ERC2: variants seen among roughly 807,000 people sequenced by gnomAD.
ERC2 encodes the protein ERC protein 2.
A neutral mutation model predicts 114.8 loss-of-function variants in ERC2; 42 were observed. That is an observed-to-expected ratio of 0.37 (90% CI 0.29 to 0.47). ERC2 has a LOEUF of 0.47. ERC2 is among the 20% of genes least tolerant of loss of function. ERC2 has a pLI of 0.99. For missense variants in ERC2, 939 were observed against 1,150.7 expected (o/e 0.82, Z 2.66); for synonymous variants, 454 against 425.5 (o/e 1.07, Z -0.82).
chr3:56,393,953 A>AG (rs1355919558), intron 2 of ERC2, among the ~76,000 whole-genome samples: 2 of 152,144 alleles, frequency 1.3e-5, no homozygotes, highest in Non-Finnish European at 1.5e-5. Context: ...CCAAAAAAAA[A>AG]AAAGGAATTC....
intron 13 of ERC2, among the ~76,000 whole-genome samples, chr3:55,909,758 G>T (rs1247961908): frequency 6.6e-6 from 1 of 152,134 alleles, no homozygotes; most frequent in Non-Finnish European, 1.5e-5. Context: ...GACAGAGAGG[G>T]ACCCTCATAA....
chr3:56,041,913 A>C (rs2075214013), intron 7 of ERC2, among the ~76,000 whole-genome samples: 1 of 152,224 alleles, frequency 6.6e-6, no homozygotes, highest in Non-Finnish European at 1.5e-5. Context: ...AATGGAAGCC[A>C]CTAAATACTT....
rs754202259 is a variant in ERC2, at chr3:56,248,932, T to G, written c.1074+47087A>C. On this transcript the variant is annotated intron_variant, in intron 3 of 17. Coordinates refer to ENST00000288221, the MANE Select transcript of ERC2 (RefSeq NM_015576.3). ...GAACAGTTTATGTTATTTATTTTCA[T>G]GAGTTTTAGACAAGATCTTTTTTAG... is the stretch of plus-strand genomic sequence containing the variant. 2.0e-5 allele frequency among the ~76,000 whole-genome samples: 3 copies of G among 152,258 alleles called. No homozygotes were observed. The South Asian group carries it at 6.2e-4, about 31-fold the overall frequency.
chr3:56,161,178 T>A (rs1463553906), intron 4 of ERC2, among the ~76,000 whole-genome samples: 1 of 152,198 alleles, frequency 6.6e-6, no homozygotes, highest in Non-Finnish European at 1.5e-5. Context: ...TTTCATGTGA[T>A]GTACCTGCTC....
intron 3 of ERC2, among the ~76,000 whole-genome samples, chr3:56,204,922 CTGTGTGTGTGTG>C (rs58831473): frequency 0.46 from 68,251 of 149,962 alleles, 15,832 homozygotes; most frequent in East Asian, 0.71. Context: ...TGGGACGTGT[CTGTGTGTGTGTG>C]TGTGTGTGTG....
intron 2 of ERC2, among the ~76,000 whole-genome samples, chr3:56,306,973 C>G (rs1238149618): frequency 6.6e-6 from 1 of 152,214 alleles, no homozygotes; most frequent in East Asian, 1.9e-4. Context: ...TCACTCCCCA[C>G]GTATCAGCAG....
chr3:56,359,646 T>G (rs1388854072), intron 2 of ERC2, among the ~76,000 whole-genome samples: 1 of 152,234 alleles, frequency 6.6e-6, no homozygotes, highest in Non-Finnish European at 1.5e-5. Flanking sequence ...GGGTGATTTA[T>G]AAAGAAAAGA....
chr3:56,170,595 T>TGTTTTTTG lies in ERC2; in HGVS notation c.1149+2850_1149+2851insCAAAAAAC, dbSNP rs60302237. On this transcript the variant is annotated intron_variant, in intron 4 of 17. Coordinates refer to ENST00000288221, the MANE Select transcript of ERC2 (RefSeq NM_015576.3). Reference sequence around the variant, plus strand: ...TAAGAAATCTCTTCTGTTTTTTTTTTTTTTTTTTTTTTTTTTTTTGAGGTA... The same window carrying TGTTTTTTG: ...TAAGAAATCTCTTCTGTTTTTTTTTTGTTTTTTGTTTTTTTTTTTTTTTTTTTGAGGTA... 1.1e-3 allele frequency among the ~76,000 whole-genome samples: 145 copies of TGTTTTTTG among 132,228 alleles called. 17 individuals carry two copies. Among genetic ancestry groups the TGTTTTTTG allele is most frequent in the Middle Eastern group, 8.0e-3 (2 of 250 alleles). The allele number at this position is 132,228 out of a possible 152,430, so 86.7% of individuals were successfully genotyped here. A position where few individuals can be genotyped will look rare whatever the true frequency, so the allele number is the denominator to read the frequency against.
At chr3:55,710,177 G>A (rs2063706175) in intron 15 of ERC2, among the ~76,000 whole-genome samples, 1 of 151,872 alleles carries the variant, frequency 6.6e-6, no homozygotes, top group Non-Finnish European at 1.5e-5. Flanking sequence ...TTAGTTCTAT[G>A]AGGAGTCACA....
At chr3:55,516,464 C>T (rs1481456798) in intron 17 of ERC2, among the ~76,000 whole-genome samples, 2 of 148,786 alleles carry the variant, frequency 1.3e-5, no homozygotes, top group Non-Finnish European at 3.0e-5. Context: ...TGGAGAGCAA[C>T]ATTTTACCTT....
chr3:55,719,822 AC>A (rs1254281310), intron 15 of ERC2, among the ~76,000 whole-genome samples: 4 of 151,954 alleles, frequency 2.6e-5, no homozygotes, highest in Admixed American at 2.0e-4. Flanking sequence ...GCCTCAGAAG[AC>A]CCTGGCCCCA....
chr3:55,952,173 ACACACACTCTCTCTCT>A (rs1163777955), intron 12 of ERC2, among the ~76,000 whole-genome samples: 22 of 56,066 alleles, frequency 3.9e-4, no homozygotes, highest in Admixed American at 3.4e-3. Flanking sequence ...ACACACACAC[ACACACACTCTCTCTCT>A]CTCTCTCTCT....
At chr3:56,466,666 G>A (rs533913556) in intron 1 of ERC2, among the ~76,000 whole-genome samples, 4 of 152,276 alleles carry the variant, frequency 2.6e-5, no homozygotes, top group Admixed American at 6.5e-5. Context: ...CAGAAGTTGA[G>A]TTAACTGTCA....
intron 4 of ERC2, among the ~76,000 whole-genome samples, chr3:56,168,099 T>C (rs2082418167): frequency 6.6e-6 from 1 of 152,164 alleles, no homozygotes; most frequent in Non-Finnish European, 1.5e-5. Flanking sequence ...TGCAAGAGCT[T>C]TGAGGAGAAA....
rs1472447686 is a variant in ERC2 at position 55,508,922 on chromosome 3, A to T, written c.*2394T>A. 1 of 152,602 alleles carries T rather than the reference A, an allele frequency of 6.6e-6. No individual in the cohort carries two copies. The highest frequency in any genetic ancestry group is 1.9e-4 in the East Asian group (1 of 5,192). The allele number at this position is 152,602 out of a possible 1,614,324, so 9.5% of individuals were successfully genotyped here. A position where few individuals can be genotyped will look rare whatever the true frequency, so the allele number is the denominator to read the frequency against. ...TCAACTATGTTATGATTAGAAGAAAACCTGTTAAAGTTTGCGCAAAGGAAA... is the reference window on the plus strand; with the variant it reads ...TCAACTATGTTATGATTAGAAGAAATCCTGTTAAAGTTTGCGCAAAGGAAA... On this transcript the variant is annotated 3_prime_UTR_variant, in exon 18 of 18. Transcript: ENST00000288221.
intron 2 of ERC2, among the ~76,000 whole-genome samples, chr3:56,340,266 A>T (rs1442362892): frequency 6.6e-6 from 1 of 152,206 alleles, no homozygotes; most frequent in African/African-American, 2.4e-5. Context: ...ATCCTGATAG[A>T]TACCTAGTAT....
intron 2 of ERC2, among the ~76,000 whole-genome samples, chr3:56,315,428 T>C (rs1190203848): frequency 6.6e-6 from 1 of 152,204 alleles, no homozygotes; most frequent in East Asian, 1.9e-4. Context: ...GAATATGTCA[T>C]ATCACTGAGA....
chr3:56,273,510 G>T (rs892959737), intron 3 of ERC2, among the ~76,000 whole-genome samples: 1 of 151,882 alleles, frequency 6.6e-6, no homozygotes, highest in African/African-American at 2.4e-5. Context: ...CTCCCCAACT[G>T]TCAGTATTAC....
intron 3 of ERC2, among the ~76,000 whole-genome samples, chr3:56,279,676 G>A (rs1314521438): frequency 1.3e-5 from 2 of 152,248 alleles, no homozygotes; most frequent in African/African-American, 2.4e-5. Flanking sequence ...TTCGGGCAAT[G>A]CAGGGTTCTG....
Sources: gnomAD v4.1 joint callset for allele counts (sites outside exome capture counted in the v4.1 genomes callset) on GRCh38, gnomAD v4.1.1 for gene constraint, MANE v1.5 for transcripts, NCBI Gene and HGNC (gene_info 2026-07-23, HGNC 2026-07-21) for gene names.